The following CCSER1 variants were observed in gnomAD, a reference collection of about 807,000 sequenced individuals.
CCSER1 encodes serine-rich coiled-coil domain-containing protein 1.
In CCSER1, 41 loss-of-function variants were observed where a neutral mutation model predicts 82.0. The observed-to-expected ratio is 0.50, with a 90% CI of 0.39 to 0.65. The LOEUF (loss-of-function observed/expected upper bound fraction) is 0.65. CCSER1 is among the 30% of genes least tolerant of loss of function. The pLI is 0.00. For synonymous variants in CCSER1, 414 were observed against 383.9 expected (o/e 1.08, Z -0.92); for missense variants, 1,119 against 1,064.2 (o/e 1.05, Z -0.72).
intron 10 of CCSER1, among the ~76,000 whole-genome samples, chr4:91,312,513 C>T (rs776839133): frequency 6.6e-6 from 1 of 151,896 alleles, no homozygotes; most frequent in Non-Finnish European, 1.5e-5. Context: ...ACATACCAAC[C>T]AGTGGAAAAT....
At chr4:91,534,834 A>G (rs1280249672) in intron 10 of CCSER1, among the ~76,000 whole-genome samples, 36 of 151,862 alleles carry the variant, frequency 2.4e-4, no homozygotes, top group Non-Finnish European at 1.5e-5. Flanking sequence ...TGCTCAATCA[A>G]TAAGTGAAAT....
chr4:90,999,713 G>T (rs1373673789), intron 9 of CCSER1, among the ~76,000 whole-genome samples: 1 of 152,042 alleles, frequency 6.6e-6, no homozygotes, highest in Non-Finnish European at 1.5e-5. Flanking sequence ...TTCTTTTGCT[G>T]TGCAGAAGCT....
chr4:91,526,860 T>C lies in CCSER1; in HGVS notation c.2218-71712T>C, dbSNP rs1760791706. On this transcript the variant is annotated intron_variant, in intron 10 of 10. Transcript: ENST00000509176. ...CACCTGCCTTCGCCTCCCAAAGTGCTGAGATTATAGGCGTGGGCCACTGTG... is the reference window on the plus strand; with the variant it reads ...CACCTGCCTTCGCCTCCCAAAGTGCCGAGATTATAGGCGTGGGCCACTGTG... Among the ~76,000 whole-genome samples the C allele has an allele frequency of 2.0e-5, 3 of 152,162 alleles. No individual in the cohort carries two copies. In the South Asian group the frequency reaches 6.2e-4, roughly 31 times the overall value.
chr4:91,445,080 A>AT (rs1755462878), intron 10 of CCSER1, among the ~76,000 whole-genome samples: 1 of 152,130 alleles, frequency 6.6e-6, no homozygotes, highest in Admixed American at 6.6e-5. Context: ...TTTAAAAACT[A>AT]TTTTTTCCCT....
At chr4:90,696,573 A>G (rs1461924852) in intron 6 of CCSER1, among the ~76,000 whole-genome samples, 1 of 152,214 alleles carries the variant, frequency 6.6e-6, no homozygotes, top group Non-Finnish European at 1.5e-5. Flanking sequence ...AGAGATGAAA[A>G]GCACATAAAC....
intron 7 of CCSER1, among the ~76,000 whole-genome samples, chr4:90,794,583 G>A (rs1755728014): frequency 6.6e-6 from 1 of 152,166 alleles, no homozygotes; most frequent in Admixed American, 6.5e-5. Flanking sequence ...ATAGTTTGAA[G>A]TTGGGTAGCT....
chr4:91,195,214 G>GT (rs1250273697), intron 10 of CCSER1, among the ~76,000 whole-genome samples: 1 of 152,204 alleles, frequency 6.6e-6, no homozygotes, highest in Non-Finnish European at 1.5e-5. Context: ...ATGCCAATTA[G>GT]TAAAAATGGA....
chr4:91,010,163 A>C (rs1738887272), intron 9 of CCSER1, among the ~76,000 whole-genome samples: 1 of 152,082 alleles, frequency 6.6e-6, no homozygotes, highest in Non-Finnish European at 1.5e-5. Context: ...GCTTTGCTGG[A>C]TATAGTGTTC....
chr4:91,327,232 C>G (rs1305264006), intron 10 of CCSER1, among the ~76,000 whole-genome samples: 4 of 152,228 alleles, frequency 2.6e-5, no homozygotes, highest in Non-Finnish European at 5.9e-5. Flanking sequence ...AAACTTCTGC[C>G]TGGACATCCA....
At chr4:90,546,548 A>G (rs1207183881) in intron 5 of CCSER1, among the ~76,000 whole-genome samples, 1 of 152,134 alleles carries the variant, frequency 6.6e-6, no homozygotes, top group Non-Finnish European at 1.5e-5. Flanking sequence ...CTAATGGTGT[A>G]TGTATAGAAC....
At chr4:90,736,997 A>T (rs1745765809) in intron 7 of CCSER1, among the ~76,000 whole-genome samples, 1 of 152,070 alleles carries the variant, frequency 6.6e-6, no homozygotes, top group Non-Finnish European at 1.5e-5. Flanking sequence ...AACTATTAAA[A>T]ACCCTACACT....
chr4:91,465,987 T>A (rs1756877038), intron 10 of CCSER1, among the ~76,000 whole-genome samples: 1 of 152,134 alleles, frequency 6.6e-6, no homozygotes, highest in Non-Finnish European at 1.5e-5. Context: ...GAGGGGATCC[T>A]CCCTAACTCA....
chr4:90,168,268 G>A (rs1372694476), intron 1 of CCSER1, among the ~76,000 whole-genome samples: 3 of 152,116 alleles, frequency 2.0e-5, no homozygotes, highest in Non-Finnish European at 1.5e-5. Context: ...CTGCATAAAT[G>A]TCTTCTTTTG....
intron 8 of CCSER1, among the ~76,000 whole-genome samples, chr4:90,841,832 TA>T (rs1050082751): frequency 1.3e-5 from 2 of 152,146 alleles, no homozygotes; most frequent in Non-Finnish European, 2.9e-5. Flanking sequence ...TCTCATTCAT[TA>T]TTTCTAACAA....
rs1198102289 is a variant in CCSER1, at chr4:91,496,815, C to CAATATATATTG, written c.2218-101736_2218-101726dup. Among the ~76,000 whole-genome samples, 249 of 47,024 alleles carry CAATATATATTG rather than the reference C, an allele frequency of 5.3e-3. 52 individuals are homozygous for CAATATATATTG. Among genetic ancestry groups the CAATATATATTG allele is most frequent in the East Asian group, 0.047 (41 of 866 alleles). 30.8% of individuals were successfully genotyped at this position (47,024 alleles called of 152,430 possible). On this transcript the variant is annotated intron_variant, in intron 10 of 10. Transcript: ENST00000509176. ...ATATATATTTGAATATATATATATT[C>CAATATATATTG]AATATATATTGAATATATATTGAAT...
At chr4:91,374,765 G>A (rs2149328597) in intron 10 of CCSER1, among the ~76,000 whole-genome samples, 1 of 152,352 alleles carries the variant, frequency 6.6e-6, no homozygotes, top group African/African-American at 2.4e-5. Context: ...GGAGGCCGAG[G>A]TGGGTGAATC....
At chr4:91,372,001 G>A (rs569076884) in intron 10 of CCSER1, among the ~76,000 whole-genome samples, 32 of 152,228 alleles carry the variant, frequency 2.1e-4, no homozygotes, top group Admixed American at 1.9e-3. Flanking sequence ...AAGATGTACT[G>A]ACTTATTTGT....
At position 90,780,549 on chromosome 4, in the gene CCSER1, G is replaced by A. The variant is rs1305992002; in HGVS notation, c.2011-35213G>A. ...ACTTATTCAAAAGTTGAAGATGAAA[G>A]GAAAGAATAAAGACTCTTTCCATCC... On this transcript the variant is annotated intron_variant, in intron 7 of 10. Coordinates refer to ENST00000509176, the MANE Select transcript of CCSER1 (RefSeq NM_001145065.2). 56 of 1,574,096 alleles carry A rather than the reference G, an allele frequency of 3.6e-5. 1 individual carries two copies. The highest frequency in any genetic ancestry group is 9.5e-6 in the Non-Finnish European group (11 of 1,163,962).
At chr4:91,169,387 G>A (rs895180962) in intron 10 of CCSER1, among the ~76,000 whole-genome samples, 12 of 152,158 alleles carry the variant, frequency 7.9e-5, no homozygotes, top group East Asian at 5.8e-4. Context: ...TTGGGAGGCC[G>A]AGGCGGGTGG....
Sources: gnomAD v4.1 joint callset for allele counts (sites outside exome capture counted in the v4.1 genomes callset) on GRCh38, gnomAD v4.1.1 for gene constraint, MANE v1.5 for transcripts, NCBI Gene and HGNC (gene_info 2026-07-23, HGNC 2026-07-21) for gene names.